HORMAD2: variants seen among roughly 807,000 people sequenced by gnomAD.
HORMAD2 encodes the protein HORMA domain-containing protein 2.
In HORMAD2, 45 loss-of-function variants were observed where a neutral mutation model predicts 38.8. The observed-to-expected ratio is 1.16, with a 90% CI of 0.91 to 1.49. The LOEUF (loss-of-function observed/expected upper bound fraction) is 1.49, where lower values mean the gene tolerates loss of function less well. Ranked by LOEUF, HORMAD2 falls within the 40% of genes most tolerant of loss-of-function variation. The pLI, the probability that HORMAD2 is intolerant of heterozygous loss-of-function variation, is 0.00. For synonymous variants in HORMAD2, 126 were observed against 122.8 expected (o/e 1.03, Z -0.17); for missense variants, 338 against 367.0 (o/e 0.92, Z 0.65).
At chr22:30,113,465 C>G (rs1225072644) in intron 7 of HORMAD2, among the ~76,000 whole-genome samples, 1 of 152,046 alleles carries the variant, frequency 6.6e-6, no homozygotes, top group Non-Finnish European at 1.5e-5. Flanking sequence ...TCTTGAACTC[C>G]TAACCTCAGT....
At chr22:30,127,649 T>C (rs1922982297) in intron 10 of HORMAD2, among the ~76,000 whole-genome samples, 1 of 152,220 alleles carries the variant, frequency 6.6e-6, no homozygotes, top group Non-Finnish European at 1.5e-5. Flanking sequence ...GGCACATCTT[T>C]GTCTTTTTCT....
intron 3 of HORMAD2, among the ~76,000 whole-genome samples, chr22:30,102,628 CTATT>C (rs978099422): frequency 2.0e-5 from 3 of 152,104 alleles, no homozygotes; most frequent in Non-Finnish European, 4.4e-5. Context: ...AACCAAAACT[CTATT>C]TATTTATTTT....
At position 30,104,446 on chromosome 22, in the gene HORMAD2, GT is replaced by G; in HGVS notation, c.294+14del. 1 of 1,594,826 alleles carries G rather than the reference GT, an allele frequency of 6.3e-7. No homozygotes were observed. The highest frequency in any genetic ancestry group is 1.1e-5 in the South Asian group (1 of 89,316). On this transcript the variant is annotated intron_variant, in intron 5 of 10. Transcript: ENST00000336726. ...CTTTGGAAAAGAGATACGTAAGAAT[GT>G]TTTTACACTTACACTGGAATCAAAG...
At chr22:30,178,127 C>T (rs1339511116), downstream of HORMAD2, among the ~76,000 whole-genome samples, 1 of 143,978 alleles carries the variant, frequency 6.9e-6, no homozygotes, top group African/African-American at 2.4e-5. Flanking sequence ...AGCAAATTAG[C>T]ACTACTGAGT....
chr22:30,203,137 G>A, the HORMAD2 span, among the ~76,000 whole-genome samples: 1 of 152,250 alleles, frequency 6.6e-6, no homozygotes, highest in African/African-American at 2.4e-5. Flanking sequence ...CCTTACGCCT[G>A]TAATCCCAGC....
chr22:30,148,500 C>G (rs1353911928), intron 10 of HORMAD2, among the ~76,000 whole-genome samples: 5 of 151,916 alleles, frequency 3.3e-5, no homozygotes, highest in African/African-American at 4.8e-5. Context: ...AGAAAACATC[C>G]AAAAATAGGT....
At chr22:30,137,551 CAGAG>C (rs111713094) in intron 10 of HORMAD2, 1,539 of 152,786 alleles carry the variant, frequency 0.01, 26 homozygotes, top group African/African-American at 0.035. Flanking sequence ...AAGGAAGAGA[CAGAG>C]AGAAATAAAA....
chr22:30,196,942 A>C, the HORMAD2 span, among the ~76,000 whole-genome samples: 2 of 152,178 alleles, frequency 1.3e-5, no homozygotes, highest in African/African-American at 4.8e-5. Flanking sequence ...GTAAATGAGG[A>C]ATCCTTTTTC....
chr22:30,151,758 AT>A (rs568612821), intron 10 of HORMAD2, among the ~76,000 whole-genome samples: 2 of 152,360 alleles, frequency 1.3e-5, no homozygotes, highest in South Asian at 4.1e-4. Context: ...AGGAAAAAAA[AT>A]ATTAATAAAA....
At chr22:30,138,000 C>G (rs1463667069) in intron 10 of HORMAD2, among the ~76,000 whole-genome samples, 1 of 152,190 alleles carries the variant, frequency 6.6e-6, no homozygotes, top group Non-Finnish European at 1.5e-5. Context: ...TCCAAAGTGG[C>G]TGTACCATTT....
intron 5 of HORMAD2, 71 bp from the exon 6 acceptor site, chr22:30,111,725 G>A (rs2146109309): frequency 8.4e-7 from 1 of 1,189,020 alleles, no homozygotes; most frequent in South Asian, 1.5e-5. Context: ...ATTTTAATTA[G>A]TCTATTGAAA....
In HORMAD2 at chr22:30,087,745, C is replaced by G. The variant is rs142026600; in HGVS notation, c.-37-6171C>G. ...AGGAAAAAAAAAAAGGTTCTACACA[C>G]CTTTAAACAACCAGATCTTGCAATA... On this transcript the variant is annotated intron_variant, in intron 1 of 10. Coordinates refer to ENST00000336726, the MANE Select transcript of HORMAD2 (RefSeq NM_152510.4). Among the ~76,000 whole-genome samples, 499 of 151,942 alleles carry G rather than the reference C, an allele frequency of 3.3e-3. 20 individuals carry two copies. In the South Asian group the frequency reaches 0.046, roughly 14 times the overall value.
intron 10 of HORMAD2, among the ~76,000 whole-genome samples, chr22:30,173,813 A>G (rs1926265801): frequency 6.6e-6 from 1 of 152,224 alleles, no homozygotes; most frequent in African/African-American, 2.4e-5. Context: ...GAACTTTAGG[A>G]GAACATTCAA....
the HORMAD2 span, among the ~76,000 whole-genome samples, chr22:30,197,188 G>A: frequency 6.6e-6 from 1 of 151,986 alleles, no homozygotes; most frequent in Non-Finnish European, 1.5e-5. Flanking sequence ...GGTTGGATGT[G>A]AAAAGGGTTG....
rs779658146 is a variant in HORMAD2, at chr22:30,176,144, G to T, written c.901G>T (p.Val301Phe). 4.6e-5 allele frequency: 74 copies of T among 1,609,250 alleles called. No individual in the cohort carries two copies. Among genetic ancestry groups the T allele is most frequent in the Non-Finnish European group, 6.2e-5 (73 of 1,176,148 alleles). ...KKRKVSEPVKVFIPNRK is the reference protein window; with the variant it reads ...KKRKVSEPVKFFIPNRK ...GAGGAAGGTCAGTGAACCAGTGAAGGTCTTCATCCCTAACAGAAAATGAAA... is the reference window on the plus strand; with the variant it reads ...GAGGAAGGTCAGTGAACCAGTGAAGTTCTTCATCCCTAACAGAAAATGAAA... The change falls in exon 11 of 11, where the codon GTC (valine) becomes TTC (phenylalanine). Residue 301 changes from valine (V) to phenylalanine (F), a missense_variant. Coordinates refer to ENST00000336726, the MANE Select transcript of HORMAD2 (RefSeq NM_152510.4).
chr22:30,093,645 C>T (rs1394071301), intron 1 of HORMAD2, among the ~76,000 whole-genome samples: 1 of 152,000 alleles, frequency 6.6e-6, no homozygotes, highest in Non-Finnish European at 1.5e-5. Flanking sequence ...GGAAAATTAA[C>T]AATAGGTACT....
Position 30,164,700 on chromosome 22 carries a change from C to T in HORMAD2, c.820-11363C>T, listed in dbSNP as rs557283495. ...TAAGAGACAGCGTCTCACTATGTTG[C>T]CCAGGCTGGTCCCAAACTCCTGGGC... On this transcript the variant is annotated intron_variant, in intron 10 of 10. Transcript: ENST00000336726. Among the ~76,000 whole-genome samples the T allele has an allele frequency of 5.9e-5, 9 of 152,204 alleles. No homozygotes were observed. The South Asian group carries it at 1.7e-3, about 28-fold the overall frequency.
At chr22:30,088,122 C>T (rs2068610555) in intron 1 of HORMAD2, among the ~76,000 whole-genome samples, 1 of 149,652 alleles carries the variant, frequency 6.7e-6, no homozygotes, top group Non-Finnish European at 1.5e-5. Flanking sequence ...CATATACACA[C>T]ACGTACACAT....
downstream of HORMAD2, among the ~76,000 whole-genome samples, chr22:30,179,189 T>C (rs186000512): frequency 6.6e-6 from 1 of 152,278 alleles, no homozygotes; most frequent in East Asian, 1.9e-4. Context: ...TATAATAAAA[T>C]AATTCTCAGT....
Sources: gnomAD v4.1 joint callset for allele counts (sites outside exome capture counted in the v4.1 genomes callset) on GRCh38, gnomAD v4.1.1 for gene constraint, MANE v1.5 for transcripts, NCBI Gene and HGNC (gene_info 2026-07-23, HGNC 2026-07-21) for gene names.